The following SOX6 variants were observed in gnomAD, a reference collection of about 807,000 sequenced individuals.
SOX6 encodes the protein SRY-box transcription factor 6, also known as transcription factor SOX-6.
A neutral mutation model predicts 97.8 loss-of-function variants in SOX6; 11 were observed. The ratio of observed to expected loss-of-function variants is 0.11; its 90% CI spans 0.07 to 0.19. SOX6 has a LOEUF of 0.19. Ranked by LOEUF, SOX6 falls within the 10% of genes least tolerant of loss-of-function variation. The probability of loss-of-function intolerance (pLI) is 1.00; values close to 1 mark genes in which losing one functional copy is unlikely to be tolerated. For missense variants in SOX6, 810 were observed against 1,039.5 expected, an observed-to-expected ratio of 0.78 and a Z score of 3.04; for synonymous variants, 360 against 371.4, an observed-to-expected ratio of 0.97 and a Z score of 0.35.
At chr11:16,472,324 C>A (rs1860152994) in intron 1 of SOX6, among the ~76,000 whole-genome samples, 1 of 152,126 alleles carries the variant, frequency 6.6e-6, no homozygotes, top group South Asian at 2.1e-4. Context: ...AGAGACAAAG[C>A]AACTAAGATA....
intron 3 of SOX6, among the ~76,000 whole-genome samples, chr11:16,236,164 TCTA>T (rs1853013770): frequency 6.6e-6 from 1 of 152,016 alleles, no homozygotes. Context: ...CAACAAATGA[TCTA>T]CTACTGTGCT....
intron 3 of SOX6, among the ~76,000 whole-genome samples, chr11:16,275,182 T>G (rs752084015): frequency 6.7e-6 from 1 of 149,778 alleles, no homozygotes; most frequent in Non-Finnish European, 1.5e-5. Flanking sequence ...AGCTCATCTT[T>G]AAAACAAAAC....
rs374973877 is a variant in SOX6 at position 16,520,567 on chromosome 11, T to C, written n.610-44179A>G. 7.9e-5 allele frequency among the ~76,000 whole-genome samples: 12 copies of C among 152,288 alleles called. No homozygotes were observed. In the East Asian group the frequency reaches 2.3e-3, roughly 29 times the overall value. Reference sequence around the variant, plus strand: ...ATTAGCGACGTAGAAGACGGGTGATTTCTGCATTTCCATCTGAGGTACCAG... The same window carrying C: ...ATTAGCGACGTAGAAGACGGGTGATCTCTGCATTTCCATCTGAGGTACCAG... On this transcript the variant is annotated intron_variant and non_coding_transcript_variant, in intron 4 of 5. Transcript: ENST00000524520.
At chr11:16,108,784 C>T (rs1248279841) in intron 7 of SOX6, among the ~76,000 whole-genome samples, 1 of 152,190 alleles carries the variant, frequency 6.6e-6, no homozygotes, top group Non-Finnish European at 1.5e-5. Flanking sequence ...CTAGTGTTTA[C>T]TACACGCTGG....
intron 9 of SOX6, among the ~76,000 whole-genome samples, chr11:16,094,330 G>A (rs1389582628): frequency 6.6e-6 from 1 of 151,710 alleles, no homozygotes; most frequent in Non-Finnish European, 1.5e-5. Context: ...GGGGGTGGGA[G>A]AGAAGCCGAT....
chr11:16,244,986 A>G (rs991115449), intron 3 of SOX6, among the ~76,000 whole-genome samples: 4 of 151,816 alleles, frequency 2.6e-5, no homozygotes, highest in African/African-American at 9.7e-5. Context: ...TGCCTACCAA[A>G]AAAGAAAAGA....
At chr11:16,273,175 C>G (rs1005918022) in intron 3 of SOX6, among the ~76,000 whole-genome samples, 2 of 151,530 alleles carry the variant, frequency 1.3e-5, no homozygotes, top group African/African-American at 4.8e-5. Context: ...AGCAAAATAA[C>G]TAAATGTAAT....
chr11:16,304,448 G>A (rs1855360217), intron 3 of SOX6, among the ~76,000 whole-genome samples: 1 of 152,110 alleles, frequency 6.6e-6, no homozygotes, highest in Non-Finnish European at 1.5e-5. Context: ...CAGCAACAAG[G>A]CACTATCTAT....
At chr11:16,322,440 T>C (rs918567567) in intron 2 of SOX6, among the ~76,000 whole-genome samples, 4 of 152,192 alleles carry the variant, frequency 2.6e-5, no homozygotes, top group Admixed American at 1.3e-4. Context: ...CCATGCTTCC[T>C]GTACAGCCTG....
At chr11:16,401,069 C>A (rs1301818735) in intron 1 of SOX6, among the ~76,000 whole-genome samples, 1 of 151,398 alleles carries the variant, frequency 6.6e-6, no homozygotes, top group East Asian at 1.9e-4. Flanking sequence ...AATTATATAC[C>A]AATTTTTATG....
intron 3 of SOX6, among the ~76,000 whole-genome samples, chr11:16,614,685 G>T (rs1351375446): frequency 6.6e-6 from 1 of 152,058 alleles, no homozygotes; most frequent in Non-Finnish European, 1.5e-5. Context: ...GTTACTCCTG[G>T]TCACTGCCTC....
chr11:16,542,125 T>C (rs1861418696), intron 4 of SOX6, among the ~76,000 whole-genome samples: 1 of 152,196 alleles, frequency 6.6e-6, no homozygotes. Context: ...CATGGAATAC[T>C]ACGCAGCCAT....
At chr11:16,024,681 T>C (rs1027174926) in intron 12 of SOX6, among the ~76,000 whole-genome samples, 11 of 151,954 alleles carry the variant, frequency 7.2e-5, no homozygotes, top group African/African-American at 2.4e-4. Flanking sequence ...CACTGGACCA[T>C]AAGCATTTCG....
intron 3 of SOX6, among the ~76,000 whole-genome samples, chr11:16,669,275 A>G (rs1207358071): frequency 6.6e-6 from 1 of 152,274 alleles, no homozygotes; most frequent in Non-Finnish European, 1.5e-5. Context: ...AAATTATCCA[A>G]TATGCTCCTG....
intron 2 of SOX6, among the ~76,000 whole-genome samples, chr11:16,319,585 A>G (rs887265495): frequency 1.3e-5 from 2 of 148,918 alleles, no homozygotes; most frequent in South Asian, 4.2e-4. Flanking sequence ...GAGTGATAAC[A>G]TGCGGCGTTT....
chr11:16,519,429 T>A (rs965913978), intron 4 of SOX6, among the ~76,000 whole-genome samples: 1 of 152,160 alleles, frequency 6.6e-6, no homozygotes, highest in Non-Finnish European at 1.5e-5. Flanking sequence ...TGATCCTGAT[T>A]ATACACAAAA....
At chr11:16,225,303 G>GT (rs746448739) in intron 4 of SOX6, among the ~76,000 whole-genome samples, 1 of 151,480 alleles carries the variant, frequency 6.6e-6, no homozygotes, top group African/African-American at 2.4e-5. Context: ...AGCATTTCTA[G>GT]TTTTTTTTAA....
intron 6 of SOX6, among the ~76,000 whole-genome samples, chr11:16,140,017 G>T (rs1261311542): frequency 6.7e-6 from 1 of 150,064 alleles, no homozygotes; most frequent in African/African-American, 2.4e-5. Flanking sequence ...AAGTATATGT[G>T]TGTGTGTATA....
intron 2 of SOX6, among the ~76,000 whole-genome samples, chr11:16,735,459 C>A (rs1041721027): frequency 1.3e-5 from 2 of 152,160 alleles, no homozygotes; most frequent in Admixed American, 1.3e-4. Context: ...TTTAATCATT[C>A]TCCTGCCAAG....
Sources: gnomAD v4.1 joint callset for allele counts (sites outside exome capture counted in the v4.1 genomes callset) on GRCh38, gnomAD v4.1.1 for gene constraint, MANE v1.5 for transcripts, NCBI Gene and HGNC (gene_info 2026-07-23, HGNC 2026-07-21) for gene names.